CLIC5: variants seen among roughly 807,000 people sequenced by gnomAD.
CLIC5 encodes the protein CLIC family member 5, also known as chloride intracellular channel protein 5.
In CLIC5, 20 loss-of-function variants were observed where a neutral mutation model predicts 24.7. That is an observed-to-expected ratio of 0.81 (90% confidence interval 0.57 to 1.18). The LOEUF is 1.18. Ranked by LOEUF, CLIC5 falls within the 50% of genes most tolerant of loss-of-function variation. The probability of loss-of-function intolerance (pLI) is 0.00; values close to 1 mark genes in which losing one functional copy is unlikely to be tolerated. For missense variants in CLIC5, 341 were observed against 326.1 expected (o/e 1.05, Z -0.35); for synonymous variants, 159 against 135.6 (o/e 1.17, Z -1.20).
At position 46,013,297 on chromosome 6, in the gene CLIC5, A is replaced by T. The variant is rs146115842; in HGVS notation, c.63+2183T>A. Among the ~76,000 whole-genome samples the T allele has an allele frequency of 4.2e-3, 640 of 152,352 alleles. 2 individuals are homozygous for T. Among genetic ancestry groups the T allele is most frequent in the Non-Finnish European group, 6.6e-3 (447 of 68,024 alleles). On this transcript the variant is annotated intron_variant, in intron 1 of 5. Coordinates refer to ENST00000339561, the MANE Select transcript of CLIC5 (RefSeq NM_016929.5). ...TTATGGGGAATCATGTACCTCAGAG[A>T]AACTCCAAACTTTGGAAAAGTGTGA...
chr6:46,012,366 A>G (rs1373809688), intron 1 of CLIC5, among the ~76,000 whole-genome samples: 1 of 152,234 alleles, frequency 6.6e-6, no homozygotes, highest in Non-Finnish European at 1.5e-5. Context: ...ATTATGGGAC[A>G]TTAGAATCAG....
chr6:45,949,503 AT>A, intron 2 of CLIC5, 122 bp from the exon 3 acceptor site: 1 of 1,099,686 alleles, frequency 9.1e-7, no homozygotes, highest in Non-Finnish European at 1.3e-6. Flanking sequence ...GGTGAAACAG[AT>A]TTATGGTATG....
the CLIC5 span, among the ~76,000 whole-genome samples, chr6:46,114,136 C>T: frequency 1.3e-5 from 2 of 152,296 alleles, no homozygotes; most frequent in Admixed American, 6.5e-5. Flanking sequence ...CCAGCAGCCC[C>T]AAGAGCTCTA....
At chr6:46,075,835 C>T (rs1435580201) in intron 1 of CLIC5, among the ~76,000 whole-genome samples, 1 of 152,176 alleles carries the variant, frequency 6.6e-6, no homozygotes, top group Non-Finnish European at 1.5e-5. Flanking sequence ...TCAGCTTTCT[C>T]ATTCGCACAT....
At chr6:46,022,674 T>C (rs1476981108) in intron 1 of CLIC5, among the ~76,000 whole-genome samples, 1 of 152,202 alleles carries the variant, frequency 6.6e-6, no homozygotes, top group Non-Finnish European at 1.5e-5. Flanking sequence ...TATTGGTGCT[T>C]AGCAAAGGCA....
chr6:45,971,449 G>T (rs1765198418), intron 1 of CLIC5, among the ~76,000 whole-genome samples: 1 of 152,152 alleles, frequency 6.6e-6, no homozygotes, highest in African/African-American at 2.4e-5. Flanking sequence ...AAGCCAGGGT[G>T]AGCCAAAGTC....
intron 5 of CLIC5, 104 bp downstream of exon 5, chr6:45,914,124 G>T: frequency 1.1e-6 from 1 of 933,408 alleles, no homozygotes; most frequent in Non-Finnish European, 1.5e-6. Context: ...CAGGGTCCAG[G>T]TTCTTGACCA....
At chr6:46,062,802 G>A (rs1411195521) in intron 1 of CLIC5, among the ~76,000 whole-genome samples, 1 of 152,174 alleles carries the variant, frequency 6.6e-6, no homozygotes, top group East Asian at 1.9e-4. Flanking sequence ...AAGGTAGCTG[G>A]AGAATGGGAC....
At chr6:46,071,474 C>T (rs972710619) in intron 1 of CLIC5, among the ~76,000 whole-genome samples, 5 of 151,814 alleles carry the variant, frequency 3.3e-5, no homozygotes, top group African/African-American at 1.2e-4. Flanking sequence ...GGCCAACAAC[C>T]ATATGAAAAA....
chr6:45,897,421 G>A (rs1762408409), downstream of CLIC5, among the ~76,000 whole-genome samples: 1 of 152,070 alleles, frequency 6.6e-6, no homozygotes, highest in Non-Finnish European at 1.5e-5. Flanking sequence ...GTGGGAGTGT[G>A]TGTGTAGGGT....
rs535205502 is a variant in CLIC5, at chr6:45,902,441, G to C, written c.*647C>G. 1 of 153,386 alleles carries C rather than the reference G, an allele frequency of 6.5e-6. No homozygotes were observed. The highest frequency in any genetic ancestry group is 2.4e-5 in the African/African-American group (1 of 41,586). The allele number at this position is 153,386 out of a possible 1,614,324, so 9.5% of individuals were successfully genotyped here. A position where few individuals can be genotyped will look rare whatever the true frequency, so the allele number is the denominator to read the frequency against. ...GGAAGCCAGGGACAGCATGGGCCAGGTGCGCAGCAGCAGCAGCGCAGCATT... is the reference window on the plus strand; with the variant it reads ...GGAAGCCAGGGACAGCATGGGCCAGCTGCGCAGCAGCAGCAGCGCAGCATT... On this transcript the variant is annotated 3_prime_UTR_variant, in exon 6 of 6. Coordinates refer to ENST00000339561, the MANE Select transcript of CLIC5 (RefSeq NM_016929.5).
At position 46,015,551 on chromosome 6, in the gene CLIC5, C is replaced by A; in HGVS notation, c.-9G>T. ...GTCGCCGAGTCTGTCATGCCGTTGG[C>A]GCCCGGGGCTACCGTCCCGGGCCGG... is the stretch of plus-strand genomic sequence containing the variant. On this transcript the variant is annotated 5_prime_UTR_variant, in exon 1 of 6. Transcript: ENST00000339561. 6.4e-7 allele frequency: 1 copy of A among 1,567,370 alleles called. No homozygotes were observed. The highest frequency in any genetic ancestry group is 2.4e-5 in the East Asian group (1 of 40,862).
chr6:45,959,593 C>G (rs572072895), intron 1 of CLIC5, among the ~76,000 whole-genome samples: 1 of 151,148 alleles, frequency 6.6e-6, no homozygotes, highest in South Asian at 2.1e-4. Context: ...GGCTGGAGTG[C>G]AGTGGCGCGA....
At chr6:45,943,192 G>A (rs995127768) in intron 3 of CLIC5, among the ~76,000 whole-genome samples, 1 of 152,242 alleles carries the variant, frequency 6.6e-6, no homozygotes, top group African/African-American at 2.4e-5. Context: ...GCCTGGCAGA[G>A]CCAGGATCCC....
intron 1 of CLIC5, among the ~76,000 whole-genome samples, chr6:46,008,589 G>A (rs533468567): frequency 1.3e-4 from 20 of 152,180 alleles, no homozygotes; most frequent in African/African-American, 4.6e-4. Context: ...CACAGAGTAG[G>A]TGCTCTGTAA....
At chr6:45,960,006 C>T (rs1326537404) in intron 1 of CLIC5, among the ~76,000 whole-genome samples, 2 of 151,930 alleles carry the variant, frequency 1.3e-5, no homozygotes, top group African/African-American at 2.4e-5. Context: ...GTAAACTTAC[C>T]CACGAAATAC....
chr6:46,079,833 G>T (rs775264372), exon 1 of CLIC5: 23 of 1,552,128 alleles, frequency 1.5e-5, no homozygotes. Flanking sequence ...GCTTGAAGGA[G>T]AAGGCAGATC....
chr6:46,002,712 T>C (rs990704791), intron 1 of CLIC5, among the ~76,000 whole-genome samples: 1 of 152,194 alleles, frequency 6.6e-6, no homozygotes, highest in African/African-American at 2.4e-5. Context: ...GATCAAAGAA[T>C]GGGAGTTCAT....
At chr6:46,043,671 A>C (rs1250641107) in intron 1 of CLIC5, among the ~76,000 whole-genome samples, 4 of 152,204 alleles carry the variant, frequency 2.6e-5, no homozygotes, top group Non-Finnish European at 5.9e-5. Flanking sequence ...TTCAGGCAAC[A>C]CACACACACA....
Sources: gnomAD v4.1 joint callset for allele counts (sites outside exome capture counted in the v4.1 genomes callset) on GRCh38, gnomAD v4.1.1 for gene constraint, MANE v1.5 for transcripts, NCBI Gene and HGNC (gene_info 2026-07-23, HGNC 2026-07-21) for gene names.